CACHD1: variants seen among roughly 807,000 people sequenced by gnomAD.
CACHD1 encodes VWFA and cache domain-containing protein 1.
A neutral mutation model predicts 138.7 loss-of-function variants in CACHD1; 71 were observed. That is an observed-to-expected ratio of 0.51 (90% CI 0.42 to 0.62). The LOEUF (loss-of-function observed/expected upper bound fraction) is 0.62. CACHD1 is among the 20% of genes least tolerant of loss of function. CACHD1 has a pLI of 0.00. For missense variants in CACHD1, 1,389 were observed against 1,625.3 expected, an observed-to-expected ratio of 0.85 and a Z score of 2.50; for synonymous variants, 578 against 591.5, an observed-to-expected ratio of 0.98 and a Z score of 0.33.
At chr1:64,581,154 A>G (rs12734817) in intron 2 of CACHD1, among the ~76,000 whole-genome samples, 26,104 of 152,154 alleles carry the variant, frequency 0.17, 2,568 homozygotes, top group Middle Eastern at 0.27. Flanking sequence ...CCTGAAAGCT[A>G]TAGAATATCC....
chr1:64,531,356 A>G (rs779431470), intron 1 of CACHD1, among the ~76,000 whole-genome samples: 7 of 152,202 alleles, frequency 4.6e-5, no homozygotes, highest in Admixed American at 6.5e-5. Context: ...TTTCTTGATT[A>G]TTAATTAGGC....
Position 64,679,858 on chromosome 1 carries a change from T to G in CACHD1, c.3406+102T>G. ...GGAACTGTCAGAACAGTGCTATACT[T>G]TCAGCTTCTGTGGAGTCATTTTGGA... On this transcript the variant is annotated intron_variant, in intron 24 of 26. Coordinates refer to ENST00000651257, the MANE Select transcript of CACHD1 (RefSeq NM_020925.4). 3.8e-6 allele frequency: 5 copies of G among 1,320,188 alleles called. No homozygotes were observed. The South Asian group carries it at 7.4e-5, about 20-fold the overall frequency. 81.8% of individuals were successfully genotyped at this position (1,320,188 alleles called of 1,614,324 possible).
chr1:64,495,689 TA>T, intron 1 of CACHD1, among the ~76,000 whole-genome samples: 1 of 42,950 alleles, frequency 2.3e-5, no homozygotes, highest in East Asian at 1.9e-3. Flanking sequence ...CTAAGAGAAT[TA>T]CTTTTTTTTT....
chr1:64,509,741 A>G (rs1156796468), intron 1 of CACHD1, among the ~76,000 whole-genome samples: 1 of 152,192 alleles, frequency 6.6e-6, no homozygotes, highest in Non-Finnish European at 1.5e-5. Context: ...CCTAATCTAG[A>G]TACCTATTTT....
At position 64,681,239 on chromosome 1, in the gene CACHD1, TC is replaced by T. The variant is rs761682503; in HGVS notation, c.3407-18del. 1 of 1,598,902 alleles carries T rather than the reference TC, an allele frequency of 6.3e-7. No individual in the cohort carries two copies. The highest frequency in any genetic ancestry group is 8.6e-7 in the Non-Finnish European group (1 of 1,166,302). ...GTTTGATTAAATAGTCATGTTTCTC[TC>T]TTTTTAATGATGGGTAGAAATGTCA... On this transcript the variant is annotated intron_variant, in intron 24 of 26. Transcript: ENST00000651257.
intron 4 of CACHD1, among the ~76,000 whole-genome samples, chr1:64,608,976 C>G (rs182072952): frequency 6.6e-6 from 1 of 152,250 alleles, no homozygotes; most frequent in African/African-American, 2.4e-5. Context: ...CATTTGAAGT[C>G]GCAAACTTCG....
At chr1:64,562,864 G>T (rs1236505366) in intron 2 of CACHD1, among the ~76,000 whole-genome samples, 1 of 152,026 alleles carries the variant, frequency 6.6e-6, no homozygotes, top group East Asian at 1.9e-4. Flanking sequence ...AATGGTTTGA[G>T]GTTTATCTCT....
chr1:64,663,884 C>G (rs181248033), intron 14 of CACHD1, 47 bp downstream of exon 14: 1 of 1,611,000 alleles, frequency 6.2e-7, no homozygotes. Flanking sequence ...CCTCCACAGG[C>G]CCAGCAGGGG....
chr1:64,519,090 G>A (rs1646479309), intron 1 of CACHD1, among the ~76,000 whole-genome samples: 1 of 152,152 alleles, frequency 6.6e-6, no homozygotes, highest in Non-Finnish European at 1.5e-5. Context: ...CTTTACAATT[G>A]AGGGGTTACT....
At chr1:64,632,247 C>CT (rs1245594787) in intron 5 of CACHD1, among the ~76,000 whole-genome samples, 7 of 92,422 alleles carry the variant, frequency 7.6e-5, no homozygotes, top group Admixed American at 3.1e-4. Context: ...TAACATCCTG[C>CT]TTTTTTCTGA....
At chr1:64,514,691 C>A (rs912817479) in intron 1 of CACHD1, among the ~76,000 whole-genome samples, 1 of 152,150 alleles carries the variant, frequency 6.6e-6, no homozygotes, top group Admixed American at 6.5e-5. Flanking sequence ...ATGATGGTGT[C>A]AAAGTTCCAA....
At chr1:64,539,996 TTTC>T (rs1317299983) in intron 1 of CACHD1, among the ~76,000 whole-genome samples, 1 of 152,110 alleles carries the variant, frequency 6.6e-6, no homozygotes, top group Non-Finnish European at 1.5e-5. Flanking sequence ...AAAGGGTGAG[TTTC>T]TTAAGGGTAT....
chr1:64,600,191 A>T (rs79054981), intron 3 of CACHD1, among the ~76,000 whole-genome samples: 8 of 152,276 alleles, frequency 5.3e-5, no homozygotes, highest in African/African-American at 1.7e-4. Context: ...ATCTAAATCC[A>T]ATCAGAAGAT....
chr1:64,667,007 T>G (rs1280577073), intron 16 of CACHD1, among the ~76,000 whole-genome samples: 1 of 152,138 alleles, frequency 6.6e-6, no homozygotes, highest in Non-Finnish European at 1.5e-5. Context: ...TCTTGAAAAA[T>G]TAAAAGGCTT....
chr1:64,650,909 G>A (rs770636278), intron 9 of CACHD1, among the ~76,000 whole-genome samples: 4 of 151,158 alleles, frequency 2.6e-5, no homozygotes, highest in African/African-American at 7.3e-5. Flanking sequence ...ACCTCCCCCC[G>A]CCCCCAACCC....
chr1:64,558,607 GAC>G (rs1646816007), intron 2 of CACHD1, among the ~76,000 whole-genome samples: 1 of 152,058 alleles, frequency 6.6e-6, no homozygotes, highest in Non-Finnish European at 1.5e-5. Flanking sequence ...TCACGACAAA[GAC>G]ACCAAGAGCA....
intron 4 of CACHD1, among the ~76,000 whole-genome samples, chr1:64,627,984 T>G (rs1331360969): frequency 6.6e-6 from 1 of 152,102 alleles, no homozygotes; most frequent in African/African-American, 2.4e-5. Context: ...ATGAAGAAAA[T>G]AAAATGTGTC....
intron 4 of CACHD1, among the ~76,000 whole-genome samples, chr1:64,609,807 A>G (rs1031815124): frequency 6.6e-6 from 1 of 152,206 alleles, no homozygotes; most frequent in Non-Finnish European, 1.5e-5. Flanking sequence ...CAGTAAAATC[A>G]ATAAAACAAA....
intron 1 of CACHD1, among the ~76,000 whole-genome samples, chr1:64,510,607 T>C (rs895728805): frequency 1.2e-4 from 18 of 152,222 alleles, no homozygotes; most frequent in Non-Finnish European, 2.2e-4. Flanking sequence ...CCTCTTGTTG[T>C]GTTTCTAGTG....
Sources: allele counts gnomAD v4.1 joint callset (sites outside exome capture counted in the v4.1 genomes callset), GRCh38; gene constraint gnomAD v4.1.1; transcripts MANE v1.5; gene names NCBI Gene and HGNC (gene_info 2026-07-23, HGNC 2026-07-21).